Variants in GRAMD1B observed in about 807,000 individuals in gnomAD.
GRAMD1B encodes protein Aster-B.
A neutral mutation model predicts 99.7 loss-of-function variants in GRAMD1B; 37 were observed. That is an observed-to-expected ratio of 0.37 (90% CI 0.29 to 0.49). GRAMD1B has a LOEUF of 0.49. Ranked by LOEUF, GRAMD1B falls within the 20% of genes least tolerant of loss-of-function variation. The pLI is 0.98. For synonymous variants in GRAMD1B, 427 were observed against 387.6 expected, an observed-to-expected ratio of 1.10 and a Z score of -1.19; for missense variants, 888 against 1,009.2, an observed-to-expected ratio of 0.88 and a Z score of 1.63.
intron 2 of GRAMD1B, among the ~76,000 whole-genome samples, chr11:123,518,274 T>C (rs1194798982): frequency 6.6e-6 from 1 of 152,086 alleles, no homozygotes; most frequent in Non-Finnish European, 1.5e-5. Flanking sequence ...CAGTCAAGCA[T>C]TCAGGAAGCG....
At chr11:123,617,182 T>G (rs112734051) in intron 17 of GRAMD1B, among the ~76,000 whole-genome samples, 97 of 150,036 alleles carry the variant, frequency 6.5e-4, no homozygotes, top group African/African-American at 1.6e-3. Flanking sequence ...TTTTTTTTTT[T>G]TTTGTTTGTT....
chr11:123,396,433 G>A (rs373407291), intron 1 of GRAMD1B, among the ~76,000 whole-genome samples: 2 of 151,528 alleles, frequency 1.3e-5, no homozygotes, highest in Admixed American at 6.6e-5. Flanking sequence ...GTACCACCAC[G>A]CCTGGCTAAT....
At chr11:123,384,868 C>T (rs1947003195) in intron 1 of GRAMD1B, among the ~76,000 whole-genome samples, 1 of 152,190 alleles carries the variant, frequency 6.6e-6, no homozygotes, top group Non-Finnish European at 1.5e-5. Context: ...ATCACAACTA[C>T]TCAGCTCTGC....
intron 2 of GRAMD1B, among the ~76,000 whole-genome samples, chr11:123,532,485 C>T (rs935055118): frequency 1.3e-5 from 2 of 152,204 alleles, no homozygotes; most frequent in African/African-American, 4.8e-5. Flanking sequence ...ATACATACCA[C>T]TACTGCACAG....
Position 123,577,431 on chromosome 11 carries a change from T to C in GRAMD1B, c.517T>C (p.Ser173Pro). Residue 173 changes from serine (S) to proline (P), a missense_variant, in exon 3 of 20, where the codon TCG becomes CCG. By Grantham distance (74) the Ser-to-Pro change is moderately conservative. Coordinates refer to ENST00000635736, the MANE Select transcript of GRAMD1B (RefSeq NM_001387025.1). The stretch of plus-strand genomic sequence containing the variant: ...GCCCATCCTCCGGAAGCGGTCTCGC[T>C]CGCCAACCCCGCAGAACCAGGACGG... ...CSPILRKRSR[S>P]PTPQNQDGDT... The C allele has an allele frequency of 6.2e-7, 1 of 1,601,954 alleles. No homozygotes were observed. Among genetic ancestry groups the C allele is most frequent in the South Asian group, 1.1e-5 (1 of 88,542 alleles).
chr11:123,508,777 C>G (rs1940692952), intron 2 of GRAMD1B, among the ~76,000 whole-genome samples: 1 of 152,084 alleles, frequency 6.6e-6, no homozygotes, highest in Non-Finnish European at 1.5e-5. Flanking sequence ...CCTCTGCCTA[C>G]TTGGTTCAAG....
chr11:123,557,775 C>T (rs702738), intron 2 of GRAMD1B, among the ~76,000 whole-genome samples: 38,642 of 152,014 alleles, frequency 0.25, 6,833 homozygotes, highest in African/African-American at 0.5. Context: ...GTATTTAATA[C>T]AAACCATGAA....
At chr11:123,396,015 A>T (rs1399950327) in intron 1 of GRAMD1B, among the ~76,000 whole-genome samples, 1 of 152,142 alleles carries the variant, frequency 6.6e-6, no homozygotes, top group East Asian at 1.9e-4. Context: ...AGTAGTAATA[A>T]CTTGGTCATT....
At chr11:123,365,357 T>G (rs1263529452) in intron 1 of GRAMD1B, among the ~76,000 whole-genome samples, 1 of 152,160 alleles carries the variant, frequency 6.6e-6, no homozygotes, top group Non-Finnish European at 1.5e-5. Context: ...GTTCAAGAGA[T>G]TCTCCTGCCT....
intron 2 of GRAMD1B, among the ~76,000 whole-genome samples, chr11:123,515,249 T>A (rs1941563021): frequency 6.6e-6 from 1 of 152,170 alleles, no homozygotes; most frequent in Non-Finnish European, 1.5e-5. Context: ...GTTCCCTTTA[T>A]TCATACTGGC....
At chr11:123,525,779 G>A (rs573430898) in intron 2 of GRAMD1B, 5 of 283,318 alleles carry the variant, frequency 1.8e-5, no homozygotes, top group South Asian at 1.3e-4. Context: ...GGGGGCAGCC[G>A]GCCAGCCTGG....
intron 4 of GRAMD1B, among the ~76,000 whole-genome samples, chr11:123,586,609 G>A (rs977823019): frequency 6.6e-6 from 1 of 152,206 alleles, no homozygotes; most frequent in Non-Finnish European, 1.5e-5. Flanking sequence ...TTCATGTGCA[G>A]ATGCCTCCTT....
At chr11:123,433,726 G>C (rs1722976767) in intron 1 of GRAMD1B, among the ~76,000 whole-genome samples, 1 of 151,386 alleles carries the variant, frequency 6.6e-6, no homozygotes, top group South Asian at 2.1e-4. Context: ...TTGTGTGTAT[G>C]AAGAAAAAAA....
At chr11:123,580,462 A>G (rs1324549667) in intron 3 of GRAMD1B, among the ~76,000 whole-genome samples, 1 of 152,166 alleles carries the variant, frequency 6.6e-6, no homozygotes, top group Non-Finnish European at 1.5e-5. Context: ...CCTAGAGGAC[A>G]CCATGCCTTA....
At chr11:123,596,070 C>T in intron 7 of GRAMD1B, 33 bp downstream of exon 7, 1 of 1,085,704 alleles carries the variant, frequency 9.2e-7, no homozygotes, top group Non-Finnish European at 1.4e-6. Context: ...CTTTCTAATC[C>T]TCCCTTACTC....
chr11:123,580,791 G>A (rs1312646018), intron 3 of GRAMD1B, among the ~76,000 whole-genome samples: 2 of 152,150 alleles, frequency 1.3e-5, no homozygotes, highest in Admixed American at 6.5e-5. Flanking sequence ...CCCTGAGGGC[G>A]CTATGCAGCA....
intron 2 of GRAMD1B, chr11:123,525,886 G>A (rs1249591253): frequency 7.5e-6 from 4 of 532,308 alleles, no homozygotes; most frequent in Admixed American, 3.2e-5. Context: ...TCGGGCAGGC[G>A]GCTCCAGCCC....
chr11:123,404,030 T>C lies in GRAMD1B; in HGVS notation c.-176+45231T>C, dbSNP rs184813454. Among the ~76,000 whole-genome samples, 5 of 152,334 alleles carry C rather than the reference T, an allele frequency of 3.3e-5. No individual in the cohort carries two copies. The East Asian group carries it at 9.6e-4, about 29-fold the overall frequency. On this transcript the variant is annotated intron_variant, in intron 1 of 20. Coordinates refer to the GRAMD1B transcript ENST00000638157. ...AACCTAGGACATTTGACTTACAGTGTTTCTCACTGTTTGGAACTTGCTGAT... is the reference window on the plus strand; with the variant it reads ...AACCTAGGACATTTGACTTACAGTGCTTCTCACTGTTTGGAACTTGCTGAT...
In GRAMD1B at chr11:123,532,419, T is replaced by C. The variant is rs73614058; in HGVS notation, c.453-44948T>C. Among the ~76,000 whole-genome samples the C allele has an allele frequency of 7.5e-3, 1,141 of 152,344 alleles. 18 individuals are homozygous for C. The highest frequency in any genetic ancestry group is 0.026 in the African/African-American group (1,084 of 41,584). On this transcript the variant is annotated intron_variant, in intron 2 of 19. Coordinates refer to ENST00000635736, the MANE Select transcript of GRAMD1B (RefSeq NM_001387025.1). Reference sequence around the variant, plus strand: ...GCCTGACTGCAGGAAAGCTGGAAGATGTGGCTTCTGAGTGCAGGAAGAGGG... The same window carrying C: ...GCCTGACTGCAGGAAAGCTGGAAGACGTGGCTTCTGAGTGCAGGAAGAGGG...
Sources: gnomAD v4.1 joint callset for allele counts (sites outside exome capture counted in the v4.1 genomes callset) on GRCh38, gnomAD v4.1.1 for gene constraint, MANE v1.5 for transcripts, NCBI Gene and HGNC (gene_info 2026-07-23, HGNC 2026-07-21) for gene names.